CLDN10: variants seen among roughly 807,000 people sequenced by gnomAD.
The protein encoded by CLDN10 is claudin-10.
In CLDN10, 15 loss-of-function variants were observed where a neutral mutation model predicts 22.9. The observed-to-expected ratio is 0.65, with a 90% confidence interval of 0.44 to 1.01. The LOEUF is 1.01. Among genes scored for constraint, CLDN10 ranks in the 50% least tolerant of loss-of-function variants. The pLI, the probability that CLDN10 is intolerant of heterozygous loss-of-function variation, is 0.00. For synonymous variants in CLDN10, 114 were observed against 111.4 expected (o/e 1.02, Z -0.15); for missense variants, 247 against 287.8 (o/e 0.86, Z 1.03).
At chr13:95,539,925 T>A (rs1162827010) in intron 1 of CLDN10, among the ~76,000 whole-genome samples, 2 of 152,274 alleles carry the variant, frequency 1.3e-5, no homozygotes, top group Non-Finnish European at 2.9e-5. Flanking sequence ...GAGGTCGAGG[T>A]GGGCAGATCA....
chr13:95,552,701 G>T (rs911906893), upstream of CLDN10: 10 of 1,544,350 alleles, frequency 6.5e-6, no homozygotes, highest in African/African-American at 8.3e-5. Context: ...GGGAGTGCGG[G>T]GGTCGCGGCG....
Position 95,494,924 on chromosome 13 carries a change from T to C in CLDN10, c.214+60877T>C, listed in dbSNP as rs2042911949. On this transcript the variant is annotated intron_variant, in intron 1 of 4. Transcript: ENST00000376873. The stretch of plus-strand genomic sequence containing the variant: ...CTCACCTTCTCCCCTCCACCCCTAC[T>C]CTTAAAAAACTAACTGCTTGGTAAA... Among the ~76,000 whole-genome samples, 3 of 152,126 alleles carry C rather than the reference T, an allele frequency of 2.0e-5. No homozygotes were observed. The South Asian group carries it at 6.2e-4, about 32-fold the overall frequency.
intron 3 of CLDN10, among the ~76,000 whole-genome samples, chr13:95,569,792 G>A (rs1229081138): frequency 7.3e-5 from 11 of 151,390 alleles, no homozygotes; most frequent in East Asian, 2.0e-4. Flanking sequence ...TTTTTGAGAC[G>A]GAGTCTTGCT....
intron 1 of CLDN10, among the ~76,000 whole-genome samples, chr13:95,536,878 G>A (rs906808682): frequency 3.3e-5 from 5 of 152,102 alleles, no homozygotes; most frequent in African/African-American, 1.2e-4. Context: ...AATATAGTGC[G>A]GTATTTTACA....
chr13:95,434,528 T>C (rs535193473), intron 1 of CLDN10, among the ~76,000 whole-genome samples: 3 of 103,794 alleles, frequency 2.9e-5, no homozygotes, highest in Non-Finnish European at 5.3e-5. Flanking sequence ...TGTGTATATA[T>C]ATATGCACAC....
intron 1 of CLDN10, among the ~76,000 whole-genome samples, chr13:95,449,053 T>C (rs1299127599): frequency 6.6e-6 from 1 of 151,980 alleles, no homozygotes; most frequent in Non-Finnish European, 1.5e-5. Context: ...TAAGCCATAC[T>C]CTAAATCACC....
intron 1 of CLDN10, among the ~76,000 whole-genome samples, chr13:95,535,793 G>C (rs1377752045): frequency 6.6e-6 from 1 of 152,182 alleles, no homozygotes; most frequent in Non-Finnish European, 1.5e-5. Context: ...ACCAGCCCAT[G>C]AGGAGACATG....
intron 1 of CLDN10, among the ~76,000 whole-genome samples, chr13:95,446,657 C>A (rs2042381785): frequency 6.6e-6 from 1 of 152,188 alleles, no homozygotes; most frequent in African/African-American, 2.4e-5. Context: ...GCCTGGCCAA[C>A]ATGGCAAAAC....
At chr13:95,481,984 A>C (rs2138496477) in intron 1 of CLDN10, among the ~76,000 whole-genome samples, 1 of 152,222 alleles carries the variant, frequency 6.6e-6, no homozygotes, top group African/African-American at 2.4e-5. Flanking sequence ...GCACCACTAC[A>C]CTCCAGCCTG....
At chr13:95,534,017 T>C (rs536075237) in intron 1 of CLDN10, 2 of 152,340 alleles carry the variant, frequency 1.3e-5, no homozygotes, top group Non-Finnish European at 2.9e-5. Context: ...CGTTCTTTGT[T>C]ATACAGTTTC....
chr13:95,515,715 C>T (rs2043157394), intron 1 of CLDN10, among the ~76,000 whole-genome samples: 1 of 152,142 alleles, frequency 6.6e-6, no homozygotes, highest in South Asian at 2.1e-4. Flanking sequence ...GACATAGTTC[C>T]AGCTTGGTTT....
At chr13:95,439,485 C>A (rs1276774340) in intron 1 of CLDN10, among the ~76,000 whole-genome samples, 1 of 151,978 alleles carries the variant, frequency 6.6e-6, no homozygotes, top group Non-Finnish European at 1.5e-5. Flanking sequence ...AGGCACCCAC[C>A]AGCACACCCA....
chr13:95,536,091 T>C (rs1347707060), intron 1 of CLDN10, among the ~76,000 whole-genome samples: 2 of 152,088 alleles, frequency 1.3e-5, no homozygotes, highest in African/African-American at 2.4e-5. Flanking sequence ...GACAAGTCTA[T>C]TGAGATGGTC....
chr13:95,554,704 A>G (rs2043611732), intron 1 of CLDN10, among the ~76,000 whole-genome samples: 1 of 152,120 alleles, frequency 6.6e-6, no homozygotes, highest in African/African-American at 2.4e-5. Context: ...AAATCAATGT[A>G]TTTTTCCAAG....
intron 1 of CLDN10, among the ~76,000 whole-genome samples, chr13:95,453,521 A>G (rs1035884670): frequency 2.0e-5 from 3 of 151,954 alleles, no homozygotes; most frequent in African/African-American, 4.8e-5. Flanking sequence ...CATCTCTACT[A>G]AAAATACAAA....
At chr13:95,491,000 C>T (rs2042867067) in intron 1 of CLDN10, among the ~76,000 whole-genome samples, 1 of 152,104 alleles carries the variant, frequency 6.6e-6, no homozygotes, top group South Asian at 2.1e-4. Flanking sequence ...GGTCTTTTTA[C>T]CATTAATGTC....
chr13:95,469,271 T>G (rs555840313), intron 1 of CLDN10, among the ~76,000 whole-genome samples: 25 of 152,186 alleles, frequency 1.6e-4, no homozygotes, highest in South Asian at 4.1e-4. Flanking sequence ...TGATGTGCCA[T>G]GGAGAGATTA....
At chr13:95,477,276 A>G (rs998496183) in intron 1 of CLDN10, among the ~76,000 whole-genome samples, 1 of 152,122 alleles carries the variant, frequency 6.6e-6, no homozygotes, top group African/African-American at 2.4e-5. Flanking sequence ...AGGCAGGGTT[A>G]GCTAGCTCAG....
intron 1 of CLDN10, among the ~76,000 whole-genome samples, chr13:95,537,243 C>T (rs1051009593): frequency 1.3e-5 from 2 of 152,142 alleles, no homozygotes; most frequent in African/African-American, 4.8e-5. Context: ...TAATATAGTT[C>T]AGACTTTGTG....
Sources: gnomAD v4.1 joint callset for allele counts (sites outside exome capture counted in the v4.1 genomes callset) on GRCh38, gnomAD v4.1.1 for gene constraint, MANE v1.5 for transcripts, NCBI Gene and HGNC (gene_info 2026-07-23, HGNC 2026-07-21) for gene names.